The following SNX29 variants were observed in gnomAD, a reference collection of about 807,000 sequenced individuals.
SNX29 encodes the protein sorting nexin 29, also known as sorting nexin-29.
In SNX29, 78 loss-of-function variants were observed where a neutral mutation model predicts 102.1. That is an observed-to-expected ratio of 0.76 (90% CI 0.64 to 0.92). The LOEUF is 0.92. Ranked by LOEUF, SNX29 falls within the 40% of genes least tolerant of loss-of-function variation. The probability of loss-of-function intolerance (pLI) is 0.00; values close to 1 mark genes in which losing one functional copy is unlikely to be tolerated. For missense variants in SNX29, 1,280 were observed against 1,061.7 expected (o/e 1.21, Z -2.86); for synonymous variants, 580 against 414.5 (o/e 1.40, Z -4.85).
At chr16:12,437,598 G>C (rs927756626) in intron 18 of SNX29, among the ~76,000 whole-genome samples, 1 of 152,150 alleles carries the variant, frequency 6.6e-6, no homozygotes, top group Non-Finnish European at 1.5e-5. Context: ...CTGGTTAGCT[G>C]TTCTGAGTCC....
At chr16:12,331,426 G>T (rs158473) in intron 15 of SNX29, among the ~76,000 whole-genome samples, 151,944 of 152,332 alleles carry the variant, frequency 1, 75,778 homozygotes, top group Middle Eastern at 1. Context: ...GCAGCATAGC[G>T]TACGTATAGG....
intron 11 of SNX29, among the ~76,000 whole-genome samples, chr16:12,092,275 A>G (rs2052586298): frequency 7.4e-6 from 1 of 134,638 alleles, no homozygotes; most frequent in African/African-American, 3.1e-5. Context: ...GTTGTTCAAG[A>G]GACATTTAAA....
At chr16:12,378,503 G>T (rs2082958750) in intron 16 of SNX29, among the ~76,000 whole-genome samples, 1 of 152,154 alleles carries the variant, frequency 6.6e-6, no homozygotes, top group Non-Finnish European at 1.5e-5. Flanking sequence ...ACAAAAATTA[G>T]CCGGGTGTGG....
At chr16:12,555,316 C>T (rs181739623) in intron 20 of SNX29, among the ~76,000 whole-genome samples, 4 of 151,590 alleles carry the variant, frequency 2.6e-5, no homozygotes, top group East Asian at 2.0e-4. Context: ...CCTCTCATAG[C>T]CCCAGTGTTT....
At chr16:12,431,767 TA>T (rs1204551012) in intron 18 of SNX29, among the ~76,000 whole-genome samples, 2 of 152,248 alleles carry the variant, frequency 1.3e-5, no homozygotes, top group Non-Finnish European at 2.9e-5. Flanking sequence ...AGCTGTTACC[TA>T]AACCCACAGC....
At chr16:12,189,965 C>T (rs576185783) in intron 13 of SNX29, among the ~76,000 whole-genome samples, 1 of 152,244 alleles carries the variant, frequency 6.6e-6, no homozygotes, top group East Asian at 1.9e-4. Flanking sequence ...ACTTTCTTGA[C>T]GTATTTGTTA....
chr16:12,554,694 T>G (rs1213236992), intron 20 of SNX29, among the ~76,000 whole-genome samples: 1 of 152,222 alleles, frequency 6.6e-6, no homozygotes, highest in East Asian at 1.9e-4. Context: ...TCAGCATCCC[T>G]GCCCATGCCT....
chr16:12,402,053 G>A (rs2083967703), intron 17 of SNX29, among the ~76,000 whole-genome samples: 1 of 152,218 alleles, frequency 6.6e-6, no homozygotes, highest in Non-Finnish European at 1.5e-5. Flanking sequence ...AAAGGAGAAT[G>A]TTCTAGGCAC....
chr16:12,262,138 A>G (rs11649626), intron 14 of SNX29, among the ~76,000 whole-genome samples: 41,707 of 78,966 alleles, frequency 0.53, 12,631 homozygotes, highest in Middle Eastern at 0.66. Context: ...GCGCGTCCCC[A>G]GCTGAAGTGA....
chr16:12,230,474 A>G (rs1449381047), intron 14 of SNX29, among the ~76,000 whole-genome samples: 1 of 152,236 alleles, frequency 6.6e-6, no homozygotes, highest in Non-Finnish European at 1.5e-5. Flanking sequence ...CTTTGGTGAC[A>G]GCTTGTTTGT....
At chr16:12,517,087 C>G (rs924277888) in intron 19 of SNX29, among the ~76,000 whole-genome samples, 1 of 152,214 alleles carries the variant, frequency 6.6e-6, no homozygotes, top group African/African-American at 2.4e-5. Context: ...GAATAGCTCT[C>G]AGGCATCATT....
At chr16:12,165,179 T>G (rs145277459) in intron 13 of SNX29, among the ~76,000 whole-genome samples, 26 of 152,358 alleles carry the variant, frequency 1.7e-4, no homozygotes, top group African/African-American at 6.0e-4. Flanking sequence ...GAAGTGAGTA[T>G]AAATCGAGTA....
intron 20 of SNX29, among the ~76,000 whole-genome samples, chr16:12,548,340 A>G (rs73508587): frequency 0.013 from 1,949 of 152,290 alleles, 42 homozygotes; most frequent in African/African-American, 0.044. Flanking sequence ...TCCATGGGGA[A>G]TGACAGTGGG....
chr16:12,225,279 A>C (rs890328297), intron 14 of SNX29, among the ~76,000 whole-genome samples: 31 of 152,232 alleles, frequency 2.0e-4, no homozygotes, highest in African/African-American at 6.3e-4. Flanking sequence ...TGTAGTAGGC[A>C]TCTGGTAACG....
In SNX29 at chr16:12,109,147, A is replaced by AG. The variant is rs2053399499; in HGVS notation, c.1403-17486_1403-17485insG. 2.9e-5 allele frequency among the ~76,000 whole-genome samples: 4 copies of AG among 136,422 alleles called. 1 individual carries two copies. The highest frequency in any genetic ancestry group is 9.1e-5 in the African/African-American group (3 of 32,882). 89.5% of individuals were successfully genotyped at this position (136,422 alleles called of 152,430 possible). A position where few individuals can be genotyped will look rare whatever the true frequency, so the allele number is the denominator to read the frequency against. On this transcript the variant is annotated intron_variant, in intron 11 of 20. Coordinates refer to ENST00000566228, the MANE Select transcript of SNX29 (RefSeq NM_032167.5). ...TGTCTCAAAAAAAAAAAAAAAAAAA[A>AG]AAAAAAAAGAAAAGGAATTTATTTC...
At chr16:12,274,011 T>C (rs2079170308) in intron 14 of SNX29, among the ~76,000 whole-genome samples, 1 of 152,228 alleles carries the variant, frequency 6.6e-6, no homozygotes, top group Non-Finnish European at 1.5e-5. Context: ...GTTTATGCTT[T>C]TTTGTTACTA....
chr16:12,161,377 G>A (rs2055778227), intron 13 of SNX29, among the ~76,000 whole-genome samples: 1 of 152,178 alleles, frequency 6.6e-6, no homozygotes, highest in Non-Finnish European at 1.5e-5. Context: ...TGTGGTCACT[G>A]GGAAGCTCTG....
At chr16:12,062,987 T>C (rs2050843552) in intron 9 of SNX29, among the ~76,000 whole-genome samples, 1 of 152,188 alleles carries the variant, frequency 6.6e-6, no homozygotes, top group Non-Finnish European at 1.5e-5. Context: ...TCAGTTGCTG[T>C]GTCCTCATCT....
At chr16:12,562,026 A>T (rs892840306) in intron 20 of SNX29, among the ~76,000 whole-genome samples, 5 of 152,054 alleles carry the variant, frequency 3.3e-5, no homozygotes, top group African/African-American at 1.2e-4. Flanking sequence ...CTGGCCCCTC[A>T]TGGATTTAGG....
Sources: gnomAD v4.1 joint callset for allele counts (sites outside exome capture counted in the v4.1 genomes callset) on GRCh38, gnomAD v4.1.1 for gene constraint, MANE v1.5 for transcripts, NCBI Gene and HGNC (gene_info 2026-07-23, HGNC 2026-07-21) for gene names.